Variants in CDH12 observed in about 807,000 individuals in gnomAD.
The protein encoded by CDH12 is cadherin 12, also known as cadherin-12.
A neutral mutation model predicts 74.1 loss-of-function variants in CDH12; 41 were observed. The ratio of observed to expected loss-of-function variants is 0.55; its 90% CI spans 0.43 to 0.72. CDH12 has a LOEUF of 0.72. CDH12 is among the 30% of genes least tolerant of loss of function. CDH12 has a pLI of 0.00. For synonymous variants in CDH12, 399 were observed against 355.0 expected, an observed-to-expected ratio of 1.12 and a Z score of -1.39; for missense variants, 945 against 977.2, an observed-to-expected ratio of 0.97 and a Z score of 0.44.
chr5:22,744,177 C>T (rs1745175208), intron 1 of CDH12, among the ~76,000 whole-genome samples: 1 of 152,078 alleles, frequency 6.6e-6, no homozygotes, highest in South Asian at 2.1e-4. Flanking sequence ...CGCCTGTAAT[C>T]CCAGCACTTT....
At chr5:22,501,938 G>A (rs1346928548) in intron 2 of CDH12, among the ~76,000 whole-genome samples, 3 of 152,006 alleles carry the variant, frequency 2.0e-5, no homozygotes, top group Non-Finnish European at 4.4e-5. Context: ...TGAGTGTCAG[G>A]ACCTGATATT....
intron 4 of CDH12, among the ~76,000 whole-genome samples, chr5:22,193,756 G>A (rs1400802016): frequency 2.6e-5 from 4 of 151,744 alleles, no homozygotes; most frequent in African/African-American, 9.7e-5. Flanking sequence ...ACCCACGAGG[G>A]TTGCTGAGTC....
chr5:22,303,495 A>T (rs1238557252), intron 3 of CDH12, among the ~76,000 whole-genome samples: 4 of 152,144 alleles, frequency 2.6e-5, no homozygotes, highest in Non-Finnish European at 5.9e-5. Context: ...CTGGGGAGTG[A>T]GGGCTATAGA....
At chr5:21,778,157 G>A (rs1044048745) in intron 11 of CDH12, among the ~76,000 whole-genome samples, 2 of 151,980 alleles carry the variant, frequency 1.3e-5, no homozygotes, top group Non-Finnish European at 2.9e-5. Context: ...ATTGTTGTCA[G>A]TCTCATCCTC....
chr5:22,606,877 T>G (rs1161964716), intron 1 of CDH12, among the ~76,000 whole-genome samples: 1 of 152,138 alleles, frequency 6.6e-6, no homozygotes, highest in Non-Finnish European at 1.5e-5. Context: ...AGAGGCTTGT[T>G]GAATAGTTTT....
intron 1 of CDH12, among the ~76,000 whole-genome samples, chr5:22,846,081 T>A (rs186293618): frequency 6.6e-6 from 1 of 152,058 alleles, no homozygotes; most frequent in African/African-American, 2.4e-5. Context: ...TTGTACCACA[T>A]GTGGGTGGAA....
chr5:22,378,781 A>G (rs970761404), intron 3 of CDH12, among the ~76,000 whole-genome samples: 3 of 152,138 alleles, frequency 2.0e-5, no homozygotes, highest in Admixed American at 2.0e-4. Context: ...TATTTGATAC[A>G]AAATTACTTG....
At chr5:22,049,951 A>T (rs1050492161) in intron 5 of CDH12, among the ~76,000 whole-genome samples, 1 of 152,188 alleles carries the variant, frequency 6.6e-6, no homozygotes, top group Non-Finnish European at 1.5e-5. Context: ...TAAACTCTCT[A>T]TAAAATATAT....
At chr5:22,127,441 C>T (rs1745939148) in intron 4 of CDH12, among the ~76,000 whole-genome samples, 1 of 147,952 alleles carries the variant, frequency 6.8e-6, no homozygotes, top group Non-Finnish European at 1.5e-5. Context: ...CGCATCATTG[C>T]ACTCCAGCCT....
intron 1 of CDH12, among the ~76,000 whole-genome samples, chr5:22,543,818 T>C (rs1738202131): frequency 6.6e-6 from 1 of 152,198 alleles, no homozygotes; most frequent in Non-Finnish European, 1.5e-5. Flanking sequence ...TTACTCTCTG[T>C]ATCAATGCTC....
At chr5:22,037,845 T>C (rs1398968834) in intron 5 of CDH12, among the ~76,000 whole-genome samples, 1 of 152,114 alleles carries the variant, frequency 6.6e-6, no homozygotes, top group African/African-American at 2.4e-5. Flanking sequence ...AAATTCAGTA[T>C]AGCCACTAGA....
intron 3 of CDH12, among the ~76,000 whole-genome samples, chr5:22,343,606 GAT>G (rs1264758856): frequency 6.6e-6 from 1 of 152,042 alleles, no homozygotes; most frequent in East Asian, 1.9e-4. Flanking sequence ...TTTTTGGAGA[GAT>G]GGGGTTTCAC....
At chr5:22,192,784 T>G (rs1192202049) in intron 4 of CDH12, among the ~76,000 whole-genome samples, 1 of 152,068 alleles carries the variant, frequency 6.6e-6, no homozygotes, top group Non-Finnish European at 1.5e-5. Context: ...TGTAGGTAAG[T>G]GATAAGGTTA....
chr5:22,323,913 T>C (rs1161020799), intron 3 of CDH12, among the ~76,000 whole-genome samples: 1 of 152,182 alleles, frequency 6.6e-6, no homozygotes, highest in Non-Finnish European at 1.5e-5. Context: ...TCTGTAAATC[T>C]GAATAATAGT....
chr5:22,818,356 T>C (rs1749495060), intron 1 of CDH12, among the ~76,000 whole-genome samples: 1 of 152,108 alleles, frequency 6.6e-6, no homozygotes, highest in Non-Finnish European at 1.5e-5. Flanking sequence ...ACATGGTGTA[T>C]TATACATCAC....
chr5:22,172,564 A>C (rs1179523573), intron 4 of CDH12: 2 of 151,890 alleles, frequency 1.3e-5, no homozygotes, highest in Admixed American at 1.3e-4. Context: ...TAAATTAGTC[A>C]AGATTCACTT....
At chr5:21,771,460 A>G (rs953749963) in intron 11 of CDH12, among the ~76,000 whole-genome samples, 1 of 152,166 alleles carries the variant, frequency 6.6e-6, no homozygotes, top group African/African-American at 2.4e-5. Context: ...CCATAAAGAT[A>G]ATTTCTTCAC....
At chr5:22,210,403 T>G (rs968862707) in intron 4 of CDH12, among the ~76,000 whole-genome samples, 1 of 145,938 alleles carries the variant, frequency 6.9e-6, no homozygotes, top group African/African-American at 2.5e-5. Context: ...ACCCAAGATT[T>G]TCTTTATCCT....
intron 3 of CDH12, among the ~76,000 whole-genome samples, chr5:22,294,215 G>A (rs541632473): frequency 1.3e-3 from 194 of 152,276 alleles, no homozygotes; most frequent in African/African-American, 4.4e-3. Flanking sequence ...ACATGATAGA[G>A]CAAGGACTGA....
Sources: allele counts gnomAD v4.1 joint callset (sites outside exome capture counted in the v4.1 genomes callset), GRCh38; gene constraint gnomAD v4.1.1; transcripts MANE v1.5; gene names NCBI Gene and HGNC (gene_info 2026-07-23, HGNC 2026-07-21).